The following SPATA31C2 variants were observed in gnomAD, a reference collection of about 807,000 sequenced individuals.
SPATA31C2 encodes the protein SPATA31 subfamily C member 2, also known as spermatogenesis-associated protein 31C2.
A neutral mutation model predicts 11.4 loss-of-function variants in SPATA31C2; 5 were observed. The observed-to-expected ratio is 0.44, with a 90% confidence interval of 0.23 to 0.92. The LOEUF (loss-of-function observed/expected upper bound fraction) is 0.92. SPATA31C2 is among the 40% of genes least tolerant of loss of function. SPATA31C2 has a pLI of 0.24. For synonymous variants in SPATA31C2, 515 were observed against 538.7 expected, an observed-to-expected ratio of 0.96 and a Z score of 0.61; for missense variants, 1,353 against 1,368.6, an observed-to-expected ratio of 0.99 and a Z score of 0.18.
intron 1 of SPATA31C2, 80 bp from the exon 2 acceptor site, chr9:88,133,749 T>G: frequency 1.4e-6 from 2 of 1,471,022 alleles, no homozygotes; most frequent in South Asian, 1.3e-5. Flanking sequence ...GCTGCACTCA[T>G]GAACCGCATG....
At chr9:88,136,992 A>G (rs1825690754) in intron 1 of SPATA31C2, among the ~76,000 whole-genome samples, 1 of 131,420 alleles carries the variant, frequency 7.6e-6, no homozygotes, top group Non-Finnish European at 1.6e-5. Flanking sequence ...CCTCTGAATA[A>G]CGTTTGTCTT....
chr9:88,135,655 GCGCCCAC>G, intron 1 of SPATA31C2, among the ~76,000 whole-genome samples: 1 of 135,584 alleles, frequency 7.4e-6, no homozygotes, highest in African/African-American at 3.0e-5. Context: ...GGGACTACAG[GCGCCCAC>G]CACCACCACG....
At position 88,136,457 on chromosome 9, in the gene SPATA31C2, T is replaced by C. The variant is rs370421884; in HGVS notation, c.189+1801A>G. Among the ~76,000 whole-genome samples, 1,191 of 139,212 alleles carry C rather than the reference T, an allele frequency of 8.6e-3. 18 individuals carry two copies. Among genetic ancestry groups the C allele is most frequent in the African/African-American group, 0.025 (892 of 36,194 alleles). The allele number at this position is 139,212 out of a possible 152,430, so 91.3% of individuals were successfully genotyped here. A position where few individuals can be genotyped will look rare whatever the true frequency, so the allele number is the denominator to read the frequency against. ...CTAGATATGAGCTCCTTGTCAGATA[T>C]GGTTTATCAGGTGTGGTTTGCACTT... On this transcript the variant is annotated intron_variant, in intron 1 of 3. Coordinates refer to ENST00000324915, the MANE Select transcript of SPATA31C2 (RefSeq NM_001350978.3).
Position 88,131,112 on chromosome 9 carries a change from G to A in SPATA31C2, c.1925C>T (p.Thr642Ile). 6.2e-7 allele frequency: 1 copy of A among 1,612,044 alleles called. No homozygotes were observed. The change falls in exon 4 of 4, where the codon ACT becomes ATT. Residue 642 changes from threonine to isoleucine, a missense_variant. Transcript: ENST00000324915. ...AQVLSFLEPC[T>I]QQVLGAHIVR... is the part of the protein sequence containing the mutation. The stretch of plus-strand genomic sequence containing the variant: ...AATATGGGCTCCCAGCACCTGCTGA[G>A]TACACGGCTCAAGGAAGGAAAGCAC...
In SPATA31C2 at chr9:88,129,872, G is replaced by T; in HGVS notation, c.3165C>A (p.Leu1055=). 1.9e-6 allele frequency: 3 copies of T among 1,605,412 alleles called. No homozygotes were observed. The highest frequency in any genetic ancestry group is 2.6e-6 in the Non-Finnish European group (3 of 1,174,394). ...CCAGTATCTGTCCAACTGCTGTCAT[G>T]AGCCTCTCAGCTTCAGCACTGCTGC... ...VYGSSAEAER[L]MTAVGQILEE... is the part of the protein sequence containing the mutation. The change falls in exon 4 of 4, where the codon CTC becomes CTA. Residue 1055 remains leucine, a synonymous_variant. Coordinates refer to ENST00000324915, the MANE Select transcript of SPATA31C2 (RefSeq NM_001350978.3).
In SPATA31C2 at chr9:88,131,202, G is replaced by A. The variant is rs760160884; in HGVS notation, c.1835C>T (p.Thr612Ile). ...TGCTAGATTGCTGGTTTTCACGTGG[G>A]TGTTGGAGACGGGAAAAGCCTGGTT... is the stretch of plus-strand genomic sequence containing the variant. ...AVNQAFPVSN[T>I]HVKTSNLAAP... is the part of the protein sequence containing the mutation. The change falls in exon 4 of 4, where the codon ACC becomes ATC. Residue 612 changes from threonine (T) to isoleucine (I), a missense_variant. Coordinates refer to ENST00000324915, the MANE Select transcript of SPATA31C2 (RefSeq NM_001350978.3). 5 of 1,611,694 alleles carry A rather than the reference G, an allele frequency of 3.1e-6. No homozygotes were observed. The South Asian group carries it at 5.5e-5, about 18-fold the overall frequency.
In SPATA31C2 at chr9:88,133,620, C is replaced by A; in HGVS notation, c.239G>T (p.Gly80Val). The change falls in exon 2 of 4, where the codon GGC becomes GTC. Residue 80 changes from glycine (G) to valine (V), a missense_variant. Around this residue, in one of 6 missense-constraint regions of SPATA31C2, gnomAD observed 67 missense variants for 41.4 expected, o/e 1.62. Transcript: ENST00000324915. The stretch of plus-strand genomic sequence containing the variant: ...TCTCAGACTGTGGTTTTTCATCCTG[C>A]CTCTGGGCCTCCCCCTCCGCCCTGC... ...RPAGRRGRPR[G>V]RMKNHSLRAC... 1 of 1,582,122 alleles carries A rather than the reference C, an allele frequency of 6.3e-7. No individual in the cohort carries two copies. Among genetic ancestry groups the A allele is most frequent in the Non-Finnish European group, 8.6e-7 (1 of 1,162,492 alleles).
rs932806926 is a variant in SPATA31C2 at position 88,137,477 on chromosome 9, C to G, written c.189+781G>C. Among the ~76,000 whole-genome samples, 10 of 144,960 alleles carry G rather than the reference C, an allele frequency of 6.9e-5. 1 individual carries two copies. Among genetic ancestry groups the G allele is most frequent in the African/African-American group, 2.3e-4 (9 of 39,678 alleles). Reference sequence around the variant, plus strand: ...TCTCTACTAAAAATACAAAAATTAGCCAGGCGTGGTGGCGGGCGCCTGTAA... The same window carrying G: ...TCTCTACTAAAAATACAAAAATTAGGCAGGCGTGGTGGCGGGCGCCTGTAA... On this transcript the variant is annotated intron_variant, in intron 1 of 3. Coordinates refer to ENST00000324915, the MANE Select transcript of SPATA31C2 (RefSeq NM_001350978.3).
chr9:88,136,987 G>A (rs1825690653), intron 1 of SPATA31C2, among the ~76,000 whole-genome samples: 1 of 130,348 alleles, frequency 7.7e-6, no homozygotes, highest in South Asian at 2.6e-4. Context: ...TAATCCCTCT[G>A]AATAACGTTT....
In SPATA31C2 at chr9:88,130,284, A is replaced by G; in HGVS notation, c.2753T>C (p.Leu918Pro). Reference protein sequence around the residue: ...PTGNMQASQELCDLMSARRSN... With the variant: ...PTGNMQASQEPCDLMSARRSN... The stretch of plus-strand genomic sequence containing the variant: ...CCTTCTGGCTGACATGAGGTCACAT[A>G]GCTCCTGGGAAGCCTGCATGTTCCC... The change falls in exon 4 of 4, where the codon CTA (leucine) becomes CCA (proline). Residue 918 changes from leucine (L) to proline (P), a missense_variant. Transcript: ENST00000324915. The G allele has an allele frequency of 6.2e-7, 1 of 1,609,394 alleles. No individual in the cohort carries two copies. The highest frequency in any genetic ancestry group is 8.5e-7 in the Non-Finnish European group (1 of 1,178,790).
Position 88,131,602 on chromosome 9 carries a change from T to A in SPATA31C2, c.1435A>T (p.Thr479Ser). The A allele has an allele frequency of 6.2e-7, 1 of 1,611,962 alleles. No individual in the cohort carries two copies. The highest frequency in any genetic ancestry group is 2.2e-5 in the East Asian group (1 of 44,850). ...LMQLQDELPG[T>S]SQAKGKPRPW... ...CTGGGTTTGCCCTTGGCCTGACTTG[T>A]CCCTGGCAATTCATCCTGAAGCTGC... is the stretch of plus-strand genomic sequence containing the variant. The change falls in exon 4 of 4, where the codon ACA becomes TCA. Residue 479 changes from threonine (T) to serine (S), a missense_variant. By Grantham distance (58) the Thr-to-Ser change is moderately conservative. Transcript: ENST00000324915.
In SPATA31C2 at chr9:88,130,606, A is replaced by G. The variant is rs780799810; in HGVS notation, c.2431T>C (p.Cys811Arg). The change falls in exon 4 of 4, where the codon TGT becomes CGT. Residue 811 changes from cysteine to arginine, a missense_variant. Cys to Arg is a radical substitution (Grantham distance 180). Around this residue, in one of 6 missense-constraint regions of SPATA31C2, gnomAD observed 1,075 missense variants for 992.8 expected, o/e 1.08. Transcript: ENST00000324915. Reference sequence around the variant, plus strand: ...GTGGCTTGGAGGTTTGCTCTCATACAGGTTCCCAAGGGGACTGTGGGTTGT... The same window carrying G: ...GTGGCTTGGAGGTTTGCTCTCATACGGGTTCCCAAGGGGACTGTGGGTTGT... Reference protein sequence around the residue: ...VPQPTVPLGTCMRANLQATSE... With the variant: ...VPQPTVPLGTRMRANLQATSE... 1.2e-6 allele frequency: 2 copies of G among 1,613,632 alleles called. No homozygotes were observed. The highest frequency in any genetic ancestry group is 1.7e-6 in the Non-Finnish European group (2 of 1,179,734).
chr9:88,132,421 G>A lies in SPATA31C2; in HGVS notation c.616C>T (p.Pro206Ser), dbSNP rs1446381000. 6.2e-7 allele frequency: 1 copy of A among 1,611,288 alleles called. No individual in the cohort carries two copies. The highest frequency in any genetic ancestry group is 8.5e-7 in the Non-Finnish European group (1 of 1,178,138). ...SLLLEHPSPE[P>S]PALFPHPPRT... ...GGTGGGTGAGGGAAAAGTGCAGGTG[G>A]CTCGGGTGAGGGATGTTCTAGGAGA... The change falls in exon 4 of 4, where the codon CCA becomes TCA. Residue 206 changes from proline (P) to serine (S), a missense_variant. Physicochemically the swap from Pro to Ser is moderately conservative, Grantham distance 74 (BLOSUM62 -1). Around this residue, in one of 6 missense-constraint regions of SPATA31C2, gnomAD observed 1,075 missense variants for 992.8 expected, o/e 1.08. Coordinates refer to ENST00000324915, the MANE Select transcript of SPATA31C2 (RefSeq NM_001350978.3).
At position 88,129,623 on chromosome 9, in the gene SPATA31C2, T is replaced by C. The variant is rs767472618; in HGVS notation, c.*9A>G. On this transcript the variant is annotated 3_prime_UTR_variant, in exon 4 of 4. Transcript: ENST00000324915. The stretch of plus-strand genomic sequence containing the variant: ...ATTGCTCATTGTTGCACCGGACACT[T>C]TTCAAGGGCTACTGATCTCTGATTT... The C allele has an allele frequency of 1.9e-6, 3 of 1,602,624 alleles. No homozygotes were observed. The Admixed American group carries it at 5.0e-5, about 27-fold the overall frequency.
At position 88,130,750 on chromosome 9, in the gene SPATA31C2, C is replaced by A; in HGVS notation, c.2287G>T (p.Gly763Ter). Residue 763 changes from glycine (G) to a stop codon, truncating the protein, a stop_gained, in exon 4 of 4, where the codon GGA becomes TGA. Transcript: ENST00000324915. LOFTEE classifies it low-confidence loss of function (END_TRUNC). Reference protein sequence around the residue: ...DHGSLKAPTAGQEGRWPSKPL... With the variant: ...DHGSLKAPTA ...TTAGATGGCCACCTGCCCTCCTGTC[C>A]AGCTGTAGGAGCCTTCAAGGACCCA... The A allele has an allele frequency of 1.2e-6, 2 of 1,613,442 alleles. No individual in the cohort carries two copies. Among genetic ancestry groups the A allele is most frequent in the Non-Finnish European group, 1.7e-6 (2 of 1,179,872 alleles).
At position 88,133,678 on chromosome 9, in the gene SPATA31C2, C is replaced by A. The variant is rs1275076912; in HGVS notation, c.190-9G>T. 6.2e-7 allele frequency: 1 copy of A among 1,602,770 alleles called. No individual in the cohort carries two copies. The highest frequency in any genetic ancestry group is 8.5e-7 in the Non-Finnish European group (1 of 1,172,332). ...TGGGAGACAAGATGACGCTGGGAGA[C>A]AAGAAATGGCGAGGAGCTAGGACCG... On this transcript the variant is annotated splice_polypyrimidine_tract_variant and intron_variant, in intron 1 of 3. Transcript: ENST00000324915.
At position 88,132,013 on chromosome 9, in the gene SPATA31C2, G is replaced by T. The variant is rs1160939881; in HGVS notation, c.1024C>A (p.Gln342Lys). The T allele has an allele frequency of 1.2e-6, 2 of 1,610,970 alleles. No homozygotes were observed. Among genetic ancestry groups the T allele is most frequent in the Non-Finnish European group, 1.7e-6 (2 of 1,177,816 alleles). Residue 342 changes from glutamine (Q) to lysine (K), a missense_variant, in exon 4 of 4, where the codon CAA becomes AAA. This residue lies in a region of SPATA31C2 where 1,075 missense variants were observed against 992.8 expected (regional missense o/e 1.08). Transcript: ENST00000324915. Reference protein sequence around the residue: ...ESQPFISSTPQFWPTPMAQAE... With the variant: ...ESQPFISSTPKFWPTPMAQAE... ...TGAGCCATAGGTGTGGGCCAGAATT[G>T]GGGTGTGGATGAAATAAAGGGTTGG...
chr9:88,133,630 T>G lies in SPATA31C2; in HGVS notation c.229A>C (p.Arg77=), dbSNP rs758197988. Residue 77 remains arginine (R), a synonymous_variant, in exon 2 of 4, where the codon AGG becomes CGG. Coordinates refer to ENST00000324915, the MANE Select transcript of SPATA31C2 (RefSeq NM_001350978.3). ...TGGTTTTTCATCCTGCCTCTGGGCC[T>G]CCCCCTCCGCCCTGCTGGACGCTGG... ...VSQRPAGRRG[R]PRGRMKNHSL... 6.3e-7 allele frequency: 1 copy of G among 1,578,198 alleles called. No individual in the cohort carries two copies.
chr9:88,133,818 A>G, intron 1 of SPATA31C2, 149 bp from the exon 2 acceptor site: 1 of 1,254,096 alleles, frequency 8.0e-7, no homozygotes, highest in Non-Finnish European at 1.1e-6. Flanking sequence ...CTCATGTTTA[A>G]ATGGATGATA....
Sources: allele counts gnomAD v4.1 joint callset (sites outside exome capture counted in the v4.1 genomes callset), GRCh38; gene constraint gnomAD v4.1.1; regional missense constraint gnomAD v4.1.1; transcripts MANE v1.5; gene names NCBI Gene and HGNC (gene_info 2026-07-23, HGNC 2026-07-21).